The following CASK variants were observed in gnomAD, a reference collection of about 807,000 sequenced individuals.
CASK encodes calcium/calmodulin dependent serine protein kinase, also known as peripheral plasma membrane protein CASK.
CASK carries 4 observed loss-of-function variants against 82.9 expected under a neutral mutation model. The ratio of observed to expected loss-of-function variants is 0.05; its 90% CI spans 0.02 to 0.11. The LOEUF (loss-of-function observed/expected upper bound fraction) is 0.11, where lower values mean the gene tolerates loss of function less well. Among genes scored for constraint, CASK ranks in the 10% least tolerant of loss-of-function variants. The pLI is 1.00. For missense variants in CASK, 358 were observed against 720.9 expected (o/e 0.50, Z 5.76); for synonymous variants, 259 against 253.5 (o/e 1.02, Z -0.20).
At chrX:41,708,415 T>C (rs986327627) in intron 5 of CASK, among the ~76,000 whole-genome samples, 2 of 112,174 alleles carry the variant, frequency 1.8e-5, no homozygotes, top group African/African-American at 3.2e-5. Context: ...AATGTAAGAC[T>C]TTCTTTCTAC....
intron 25 of CASK, among the ~76,000 whole-genome samples, chrX:41,527,215 G>T (rs1191072712): frequency 9.0e-6 from 1 of 110,695 alleles, no homozygotes. Flanking sequence ...CAGAGAGTGA[G>T]AGAGAGGGGG....
intron 5 of CASK, among the ~76,000 whole-genome samples, chrX:41,695,397 C>G (rs891020117): frequency 9.9e-6 from 1 of 100,969 alleles, no homozygotes; most frequent in African/African-American, 3.5e-5. Context: ...CTCACTACAG[C>G]CTTGAACTCC....
intron 5 of CASK, chrX:41,729,503 G>A (rs1383011827): frequency 8.3e-6 from 1 of 120,382 alleles, no homozygotes; most frequent in Non-Finnish European, 1.9e-5. Flanking sequence ...CAGATCACCT[G>A]AGGTCAGGAG....
intron 8 of CASK, among the ~76,000 whole-genome samples, chrX:41,652,638 G>A (rs1341009040): frequency 9.0e-6 from 1 of 111,044 alleles, no homozygotes; most frequent in Non-Finnish European, 1.9e-5. Context: ...ACCTCCAATG[G>A]TCAATGGTAA....
intron 1 of CASK, among the ~76,000 whole-genome samples, chrX:41,916,018 C>T (rs1362203359): frequency 1.9e-5 from 2 of 106,671 alleles, no homozygotes; most frequent in Middle Eastern, 4.3e-3. Flanking sequence ...CACACACACG[C>T]ACACACAAAT....
At chrX:41,625,165 T>C (rs967553964) in intron 10 of CASK, among the ~76,000 whole-genome samples, 1 of 110,398 alleles carries the variant, frequency 9.1e-6, no homozygotes, top group African/African-American at 3.3e-5. Context: ...TTTGGTTTTT[T>C]ATTTTTTTAT....
intron 6 of CASK, chrX:41,665,837 T>G (rs1408501433): frequency 7.5e-6 from 1 of 133,952 alleles, no homozygotes. Flanking sequence ...AGCCTGTAGC[T>G]GTCCAGGAAA....
chrX:41,578,615 G>T, intron 14 of CASK, 87 bp from the exon 15 acceptor site: 1 of 688,707 alleles, frequency 1.5e-6, no homozygotes, highest in Non-Finnish European at 2.2e-6. Flanking sequence ...TTGAGACAGG[G>T]TCTCACTCTG....
chrX:41,644,175 C>G (rs2066713275), intron 8 of CASK, among the ~76,000 whole-genome samples: 1 of 111,514 alleles, frequency 9.0e-6, no homozygotes, highest in African/African-American at 3.3e-5. Flanking sequence ...ATTCGGTTTA[C>G]CAGTATTTTA....
intron 5 of CASK, among the ~76,000 whole-genome samples, chrX:41,738,313 C>T (rs1394172791): frequency 8.9e-6 from 1 of 112,638 alleles, no homozygotes; most frequent in Non-Finnish European, 1.9e-5. Context: ...TTGAGATGCT[C>T]GGTGTTGAGT....
intron 5 of CASK, among the ~76,000 whole-genome samples, chrX:41,693,940 G>C (rs1418394801): frequency 9.1e-6 from 1 of 109,909 alleles, no homozygotes; most frequent in Non-Finnish European, 1.9e-5. Context: ...TATGTGTAGA[G>C]CTTTAAGAAA....
intron 9 of CASK, among the ~76,000 whole-genome samples, chrX:41,628,890 T>C (rs1239600750): frequency 5.4e-5 from 6 of 112,064 alleles, no homozygotes; most frequent in Admixed American, 1.9e-4. Context: ...AAATCACGTT[T>C]CCCACACACG....
intron 12 of CASK, among the ~76,000 whole-genome samples, chrX:41,595,555 A>T (rs2065809084): frequency 8.9e-6 from 1 of 112,023 alleles, no homozygotes; most frequent in Non-Finnish European, 1.9e-5. Flanking sequence ...TGATTGTGCC[A>T]CTGCACTCCA....
chrX:41,716,835 C>G (rs768585915), intron 5 of CASK, among the ~76,000 whole-genome samples: 1 of 111,793 alleles, frequency 8.9e-6, no homozygotes, highest in South Asian at 3.7e-4. Flanking sequence ...GCCTATGGAA[C>G]CTTACTCTAT....
chrX:41,779,000 A>G (rs891709751), intron 3 of CASK, among the ~76,000 whole-genome samples: 2 of 111,734 alleles, frequency 1.8e-5, no homozygotes, highest in Non-Finnish European at 3.8e-5. Context: ...TAGTTTGTGC[A>G]GAAGAGTTAA....
intron 8 of CASK, among the ~76,000 whole-genome samples, chrX:41,639,432 G>A (rs1300925347): frequency 2.1e-5 from 1 of 47,573 alleles, no homozygotes; most frequent in Non-Finnish European, 4.4e-5. Flanking sequence ...GGAAGGAGAT[G>A]AGGGTTTAAA....
At chrX:41,677,188 A>G (rs1249485913) in intron 5 of CASK, among the ~76,000 whole-genome samples, 2 of 109,586 alleles carry the variant, frequency 1.8e-5, no homozygotes, top group African/African-American at 6.6e-5. Flanking sequence ...TTGGTCTCAT[A>G]CGTATTGAGT....
At chrX:41,612,861 G>A (rs1167862214) in intron 11 of CASK, among the ~76,000 whole-genome samples, 11 of 70,807 alleles carry the variant, frequency 1.6e-4, no homozygotes, top group Admixed American at 3.0e-4. Context: ...CTGGCCAGCC[G>A]CCCCGTCCGG....
chrX:41,918,022 T>C (rs573784187), intron 1 of CASK, among the ~76,000 whole-genome samples: 2 of 112,387 alleles, frequency 1.8e-5, no homozygotes, highest in African/African-American at 6.5e-5. Context: ...GTCACTGTGA[T>C]CATGCACTGC....
Sources: gnomAD v4.1 joint callset for allele counts (sites outside exome capture counted in the v4.1 genomes callset) on GRCh38, gnomAD v4.1.1 for gene constraint, MANE v1.5 for transcripts, NCBI Gene and HGNC (gene_info 2026-07-23, HGNC 2026-07-21) for gene names.